The following DOK6 variants were observed in gnomAD, a reference collection of about 807,000 sequenced individuals.
DOK6 encodes docking protein 6, also known as downstream of tyrosine kinase 6.
A neutral mutation model predicts 44.0 loss-of-function variants in DOK6; 22 were observed. The ratio of observed to expected loss-of-function variants is 0.50; its 90% CI spans 0.36 to 0.71. The LOEUF (loss-of-function observed/expected upper bound fraction) is 0.71. Ranked by LOEUF, DOK6 falls within the 30% of genes least tolerant of loss-of-function variation. DOK6 has a pLI of 0.00. For synonymous variants in DOK6, 166 were observed against 145.5 expected (o/e 1.14, Z -1.01); for missense variants, 340 against 416.4 (o/e 0.82, Z 1.60).
intron 7 of DOK6, among the ~76,000 whole-genome samples, chr18:69,766,831 A>G (rs1979731830): frequency 6.6e-6 from 1 of 152,178 alleles, no homozygotes; most frequent in Non-Finnish European, 1.5e-5. Flanking sequence ...GCAGAGGCAG[A>G]TAGGCTGTCC....
At position 69,842,499 on chromosome 18, in the gene DOK6, T is replaced by C. The variant is rs765584083; in HGVS notation, c.*1116T>C. On this transcript the variant is annotated 3_prime_UTR_variant, in exon 8 of 8. Coordinates refer to ENST00000382713, the MANE Select transcript of DOK6 (RefSeq NM_152721.6). ...GCAGTAAAGAGAAGAACAAAATGGG[T>C]ACAGGATTGTGGATATCATAGATGC... is the stretch of plus-strand genomic sequence containing the variant. 1.3e-5 allele frequency: 2 copies of C among 152,204 alleles called. No individual in the cohort carries two copies. The highest frequency in any genetic ancestry group is 4.8e-5 in the African/African-American group (2 of 41,424). 9.4% of individuals were successfully genotyped at this position (152,204 alleles called of 1,614,324 possible). A position where few individuals can be genotyped will look rare whatever the true frequency, so the allele number is the denominator to read the frequency against.
intron 7 of DOK6, among the ~76,000 whole-genome samples, chr18:69,820,013 C>T (rs1230406423): frequency 1.3e-5 from 2 of 152,152 alleles, no homozygotes; most frequent in East Asian, 1.9e-4. Context: ...TCGTAGCTGT[C>T]CTGGGCTGCA....
chr18:69,812,896 C>T (rs893142031), intron 7 of DOK6, among the ~76,000 whole-genome samples: 30 of 151,972 alleles, frequency 2.0e-4, no homozygotes, highest in African/African-American at 2.4e-4. Flanking sequence ...AATGCCCCCA[C>T]GATTCAATTA....
rs143938158 is a variant in DOK6 at position 69,510,962 on chromosome 18, C to T, written c.67-53525C>T. On this transcript the variant is annotated intron_variant, in intron 1 of 7. Transcript: ENST00000382713. ...GTCATAGATGAAGTAAGTGGTTGAA[C>T]TGAGGAAGAATACAAATAATTCTGG... Among the ~76,000 whole-genome samples, 658 of 151,906 alleles carry T rather than the reference C, an allele frequency of 4.3e-3. 1 individual carries two copies. Among genetic ancestry groups the T allele is most frequent in the Non-Finnish European group, 6.6e-3 (448 of 67,928 alleles).
chr18:69,404,374 A>G (rs1383722001), intron 1 of DOK6, among the ~76,000 whole-genome samples: 1 of 152,208 alleles, frequency 6.6e-6, no homozygotes, highest in Non-Finnish European at 1.5e-5. Flanking sequence ...AAAATTTAGT[A>G]AGCAAGGCAT....
rs1469089200 is a variant in DOK6, at chr18:69,845,490, G to A, written c.*4107G>A. On this transcript the variant is annotated 3_prime_UTR_variant, in exon 8 of 8. Coordinates refer to ENST00000382713, the MANE Select transcript of DOK6 (RefSeq NM_152721.6). ...TGCATTAATAGCTATAACAATGGGTGACATGCCACACAAATTTAGCTTATG... is the reference window on the plus strand; with the variant it reads ...TGCATTAATAGCTATAACAATGGGTAACATGCCACACAAATTTAGCTTATG... The A allele has an allele frequency of 6.6e-6, 1 of 152,170 alleles. No individual in the cohort carries two copies. Among genetic ancestry groups the A allele is most frequent in the African/African-American group, 2.4e-5 (1 of 41,416 alleles). 9.4% of individuals were successfully genotyped at this position (152,170 alleles called of 1,614,324 possible).
chr18:69,445,401 T>A (rs990786598), intron 1 of DOK6, among the ~76,000 whole-genome samples: 3 of 152,228 alleles, frequency 2.0e-5, no homozygotes, highest in Non-Finnish European at 4.4e-5. Flanking sequence ...TCTTTCACTG[T>A]TTTGTATAAT....
At chr18:69,795,954 G>A (rs865887820) in intron 7 of DOK6, among the ~76,000 whole-genome samples, 106 of 152,078 alleles carry the variant, frequency 7.0e-4, no homozygotes, top group African/African-American at 2.4e-3. Context: ...TGTGATCCGA[G>A]CTCATCCTGT....
In DOK6 at chr18:69,653,309, C is replaced by CA. The variant is rs34616737; in HGVS notation, c.290-24412dup. 4.7e-3 allele frequency among the ~76,000 whole-genome samples: 598 copies of CA among 127,982 alleles called. 3 individuals carry two copies. Among genetic ancestry groups the CA allele is most frequent in the African/African-American group, 9.0e-3 (306 of 34,010 alleles). The allele number at this position is 127,982 out of a possible 152,430, so 84.0% of individuals were successfully genotyped here. On this transcript the variant is annotated intron_variant, in intron 3 of 7. Coordinates refer to ENST00000382713, the MANE Select transcript of DOK6 (RefSeq NM_152721.6). ...CAGTCTTATGAGACTGAGACTGGGA[C>CA]AAAAAAAAAAAAAGAAGAAGATTTT...
At chr18:69,653,842 C>T (rs914730911) in intron 3 of DOK6, among the ~76,000 whole-genome samples, 6 of 115,930 alleles carry the variant, frequency 5.2e-5, no homozygotes, top group African/African-American at 1.6e-4. Flanking sequence ...CAAATTATCC[C>T]TATAATGTTT....
Position 69,401,286 on chromosome 18 carries a change from GA to G in DOK6, c.46del (p.Ile16SerfsTer27). The G allele has an allele frequency of 6.3e-7, 1 of 1,584,570 alleles. No homozygotes were observed. The highest frequency in any genetic ancestry group is 1.8e-5 in the Admixed American group (1 of 57,082). The part of the protein sequence containing the change: ...FNDIVKQGYV[K>X]IRSRKLGIFR... ...ACGACATAGTCAAGCAGGGCTACGT[GA>G]AAATCCGCAGCAGGAAGCTTGGGGT... is the stretch of plus-strand genomic sequence containing the variant. On this transcript the variant is annotated frameshift_variant, in exon 1 of 8. Coordinates refer to ENST00000382713, the MANE Select transcript of DOK6 (RefSeq NM_152721.6). LOFTEE classifies it high-confidence loss of function.
In DOK6 at chr18:69,733,311, C is replaced by T. The variant is rs114049562; in HGVS notation, c.600-5654C>T. ...CTTAAACCCCATCTGCTTCACTTCA[C>T]GCCCAATAAATAACAGTTAGTAGGT... On this transcript the variant is annotated intron_variant, in intron 5 of 7. Coordinates refer to ENST00000382713, the MANE Select transcript of DOK6 (RefSeq NM_152721.6). Among the ~76,000 whole-genome samples the T allele has an allele frequency of 5.3e-3, 808 of 152,258 alleles. 4 individuals are homozygous for T. Among genetic ancestry groups the T allele is most frequent in the African/African-American group, 0.017 (714 of 41,546 alleles).
intron 1 of DOK6, among the ~76,000 whole-genome samples, chr18:69,412,909 G>A (rs1978312441): frequency 6.6e-6 from 1 of 152,068 alleles, no homozygotes; most frequent in African/African-American, 2.4e-5. Flanking sequence ...TGACAAAAGA[G>A]GCAATTCAGT....
At chr18:69,719,969 C>T (rs967500638) in intron 5 of DOK6, among the ~76,000 whole-genome samples, 1 of 152,176 alleles carries the variant, frequency 6.6e-6, no homozygotes, top group Non-Finnish European at 1.5e-5. Flanking sequence ...GCAGGCAGAT[C>T]ACCTGAGGTC....
chr18:69,519,350 C>G (rs1193440767), intron 1 of DOK6, among the ~76,000 whole-genome samples: 1 of 151,862 alleles, frequency 6.6e-6, no homozygotes, highest in African/African-American at 2.4e-5. Flanking sequence ...TAGCCACTTA[C>G]TAGTCAGACT....
chr18:69,579,866 G>A (rs1320201579), intron 2 of DOK6, among the ~76,000 whole-genome samples: 7 of 152,142 alleles, frequency 4.6e-5, no homozygotes, highest in Admixed American at 2.6e-4. Flanking sequence ...CGGTCGATCC[G>A]CCCGCCTCAA....
chr18:69,779,214 T>C lies in DOK6; in HGVS notation c.856+21341T>C, dbSNP rs532781987. Among the ~76,000 whole-genome samples the C allele has an allele frequency of 1.3e-4, 20 of 152,278 alleles. 1 individual carries two copies. In the South Asian group the frequency reaches 3.9e-3, roughly 30 times the overall value. The stretch of plus-strand genomic sequence containing the variant: ...AGGACTTAACTGTCCCAAATGGTCA[T>C]GTACTTTCCCATTTTTACCCTCCTT... On this transcript the variant is annotated intron_variant, in intron 7 of 7. Transcript: ENST00000382713.
chr18:69,439,416 A>C (rs1486405870), intron 1 of DOK6, among the ~76,000 whole-genome samples: 2 of 152,236 alleles, frequency 1.3e-5, no homozygotes, highest in African/African-American at 4.8e-5. Flanking sequence ...GAAGCCAGGC[A>C]TTGACTTCTC....
At chr18:69,584,041 G>C (rs1279218773) in intron 2 of DOK6, among the ~76,000 whole-genome samples, 26 of 150,448 alleles carry the variant, frequency 1.7e-4, no homozygotes, top group Admixed American at 1.4e-3. Flanking sequence ...CCGGGAGGCG[G>C]AGCTTGCAGT....
Sources: allele counts gnomAD v4.1 joint callset (sites outside exome capture counted in the v4.1 genomes callset), GRCh38; gene constraint gnomAD v4.1.1; transcripts MANE v1.5; gene names NCBI Gene and HGNC (gene_info 2026-07-23, HGNC 2026-07-21).